Variants in SPATA6L observed in about 807,000 individuals in gnomAD.
SPATA6L encodes spermatogenesis associated 6-like protein.
In SPATA6L, 68 loss-of-function variants were observed where a neutral mutation model predicts 49.2. The observed-to-expected ratio is 1.38, with a 90% CI of 1.14 to 1.69. SPATA6L has a LOEUF of 1.69. Ranked by LOEUF, SPATA6L falls within the 40% of genes most tolerant of loss-of-function variation. SPATA6L has a pLI of 0.00. For missense variants in SPATA6L, 668 were observed against 464.3 expected (o/e 1.44, Z -4.03); for synonymous variants, 198 against 165.7 (o/e 1.19, Z -1.50).
chr9:4,623,372 A>C (rs1439305357), intron 6 of SPATA6L, among the ~76,000 whole-genome samples: 1 of 152,102 alleles, frequency 6.6e-6, no homozygotes, highest in Non-Finnish European at 1.5e-5. Context: ...CCTAAGGAAA[A>C]ATTGGGTAAC....
intron 13 of SPATA6L, among the ~76,000 whole-genome samples, chr9:4,591,270 A>G (rs913439087): frequency 2.0e-5 from 3 of 152,230 alleles, no homozygotes; most frequent in South Asian, 4.1e-4. Flanking sequence ...GCATTCAAAC[A>G]TAACTTTTAT....
chr9:4,634,171 T>C (rs1435035921), intron 4 of SPATA6L, among the ~76,000 whole-genome samples: 1 of 152,206 alleles, frequency 6.6e-6, no homozygotes, highest in Non-Finnish European at 1.5e-5. Context: ...AACAGAGAGC[T>C]AGACAAACCA....
chr9:4,646,330 T>G (rs894388484), intron 3 of SPATA6L: 1 of 420,808 alleles, frequency 2.4e-6, no homozygotes, highest in Non-Finnish European at 4.1e-6. Flanking sequence ...TTTAATAGAT[T>G]GGCAGAAAAA....
At chr9:4,654,911 T>C (rs1395107012) in intron 3 of SPATA6L, among the ~76,000 whole-genome samples, 5 of 152,164 alleles carry the variant, frequency 3.3e-5, no homozygotes, top group African/African-American at 1.2e-4. Flanking sequence ...TCTGTGGGGA[T>C]GGAGCCCTAG....
downstream of SPATA6L, among the ~76,000 whole-genome samples, chr9:4,598,070 C>G (rs1822447676): frequency 6.6e-6 from 1 of 152,172 alleles, no homozygotes; most frequent in South Asian, 2.1e-4. Context: ...TTAAAAATCT[C>G]TTTTATAATT....
chr9:4,658,541 T>G (rs1404808995), intron 2 of SPATA6L, among the ~76,000 whole-genome samples: 1 of 152,192 alleles, frequency 6.6e-6, no homozygotes, highest in Non-Finnish European at 1.5e-5. Context: ...TTTGTTTGAC[T>G]AGTAATCTCA....
intron 3 of SPATA6L, among the ~76,000 whole-genome samples, chr9:4,647,349 TG>T (rs1564287978): frequency 6.6e-6 from 1 of 152,126 alleles, no homozygotes; most frequent in Non-Finnish European, 1.5e-5. Flanking sequence ...CCCAGCACTT[TG>T]GGAGGCCGAG....
chr9:4,625,921 T>G (rs1287589696), intron 5 of SPATA6L: 2 of 165,768 alleles, frequency 1.2e-5, no homozygotes, highest in Non-Finnish European at 2.6e-5. Flanking sequence ...TATAAGGAAA[T>G]AACTATGGCT....
At chr9:4,596,710 C>G (rs967192312), downstream of SPATA6L, among the ~76,000 whole-genome samples, 8 of 152,114 alleles carry the variant, frequency 5.3e-5, no homozygotes, top group African/African-American at 1.4e-4. Context: ...CTTAGTTGCT[C>G]TGTTATTCTG....
downstream of SPATA6L, among the ~76,000 whole-genome samples, chr9:4,597,643 G>A (rs76601658): frequency 6.6e-6 from 1 of 152,172 alleles, no homozygotes; most frequent in Non-Finnish European, 1.5e-5. Context: ...CCTAGATTCA[G>A]TGTGGAGGAT....
intron 3 of SPATA6L, among the ~76,000 whole-genome samples, chr9:4,644,183 C>CAAAAAAAAAAAAA (rs58325546): frequency 4.4e-5 from 2 of 45,668 alleles, no homozygotes; most frequent in African/African-American, 5.8e-5. Flanking sequence ...GCCATCTCTG[C>CAAAAAAAAAAAAA]AAAAAAAAAA....
At chr9:4,632,222 G>C (rs28594983) in intron 4 of SPATA6L, among the ~76,000 whole-genome samples, 20 of 150,866 alleles carry the variant, frequency 1.3e-4, no homozygotes, top group African/African-American at 4.9e-4. Context: ...GTTTCACTGT[G>C]CTGGCCAGGC....
In SPATA6L at chr9:4,600,220, T is replaced by C. The variant is rs1172519140; in HGVS notation, c.*591A>G. Among the ~76,000 whole-genome samples, 1 of 152,182 alleles carries C rather than the reference T, an allele frequency of 6.6e-6. No homozygotes were observed. Among genetic ancestry groups the C allele is most frequent in the East Asian group, 1.9e-4 (1 of 5,194 alleles). On this transcript the variant is annotated 3_prime_UTR_variant, in exon 12 of 12. Coordinates refer to ENST00000682582, the MANE Select transcript of SPATA6L (RefSeq NM_001353486.2). ...CGCTCCAGAGGAGCCAGCCTCCTCTTACAAATTTATCACAGACATTCAACA... is the reference window on the plus strand; with the variant it reads ...CGCTCCAGAGGAGCCAGCCTCCTCTCACAAATTTATCACAGACATTCAACA...
intron 1 of SPATA6L, chr9:4,665,018 C>T (rs1840656739): frequency 1.2e-5 from 2 of 167,074 alleles, no homozygotes; most frequent in South Asian, 4.1e-4. Context: ...CTTGCAGTGT[C>T]CACAAATCTG....
chr9:4,627,960 G>C (rs1280452502), intron 5 of SPATA6L: 1 of 449,624 alleles, frequency 2.2e-6, no homozygotes, highest in Non-Finnish European at 4.0e-6. Context: ...AACGTGGATG[G>C]AAGTTGAGGC....
chr9:4,638,026 A>G (rs918176904), intron 3 of SPATA6L, among the ~76,000 whole-genome samples: 3 of 152,202 alleles, frequency 2.0e-5, no homozygotes, highest in African/African-American at 7.2e-5. Context: ...ACTTATAGAC[A>G]CTGGATTTAC....
chr9:4,608,711 C>T (rs1367436484), intron 9 of SPATA6L, among the ~76,000 whole-genome samples: 1 of 150,836 alleles, frequency 6.6e-6, no homozygotes, highest in Non-Finnish European at 1.5e-5. Context: ...CCAAAATTGA[C>T]ACTCTAACAT....
chr9:4,635,804 G>T lies in SPATA6L; in HGVS notation c.227-405C>A, dbSNP rs190023600. Among the ~76,000 whole-genome samples the T allele has an allele frequency of 1.4e-4, 22 of 152,306 alleles. No homozygotes were observed. The East Asian group carries it at 4.2e-3, about 29-fold the overall frequency. ...TTTAGACTGGGGTTCAATGTGTTCT[G>T]TGATGCATGGATGCCAAGGGCCCAG... On this transcript the variant is annotated intron_variant, in intron 3 of 11. Transcript: ENST00000682582.
chr9:4,633,718 A>G (rs1202849933), intron 4 of SPATA6L: 1 of 152,656 alleles, frequency 6.6e-6, no homozygotes. Context: ...GATTGCCAAC[A>G]GTGCAGGTGG....
Sources: allele counts gnomAD v4.1 joint callset (sites outside exome capture counted in the v4.1 genomes callset), GRCh38; gene constraint gnomAD v4.1.1; transcripts MANE v1.5; gene names NCBI Gene and HGNC (gene_info 2026-07-23, HGNC 2026-07-21).